Variants in TLN2 observed in about 807,000 individuals in gnomAD.
TLN2 encodes the protein talin 2, also known as talin-2.
TLN2 carries 118 observed loss-of-function variants against 294.7 expected under a neutral mutation model. The observed-to-expected ratio is 0.40, with a 90% CI of 0.34 to 0.47. The LOEUF (loss-of-function observed/expected upper bound fraction) is 0.47, where lower values mean the gene tolerates loss of function less well. TLN2 is among the 20% of genes least tolerant of loss of function. The pLI is 0.84. For synonymous variants in TLN2, 1,431 were observed against 1,304.5 expected (o/e 1.10, Z -2.09); for missense variants, 3,083 against 3,282.2 (o/e 0.94, Z 1.48).
Position 62,714,224 on chromosome 15 carries a change from A to G in TLN2, c.2635-2107A>G, listed in dbSNP as rs372286886. Reference sequence around the variant, plus strand: ...TTTTTTTTTTCTTTTTTTTTTTGAGACAGAGTCTCACTCTGTCACCCAGGC... The same window carrying G: ...TTTTTTTTTTCTTTTTTTTTTTGAGGCAGAGTCTCACTCTGTCACCCAGGC... On this transcript the variant is annotated intron_variant, in intron 22 of 58. Transcript: ENST00000636159. Among the ~76,000 whole-genome samples, 1,055 of 123,678 alleles carry G rather than the reference A, an allele frequency of 8.5e-3. 13 individuals carry two copies. Among genetic ancestry groups the G allele is most frequent in the Middle Eastern group, 0.014 (3 of 220 alleles). 81.1% of individuals were successfully genotyped at this position (123,678 alleles called of 152,430 possible).
intron 1 of TLN2, among the ~76,000 whole-genome samples, chr15:62,504,818 G>GGTGTGTGTGTGTGTGTGT (rs377405417): frequency 1.0e-4 from 15 of 143,624 alleles, no homozygotes; most frequent in South Asian, 7.2e-4. Flanking sequence ...TAGTTGGTGG[G>GGTGTGTGTGTGTGTGTGT]GTGTGTGTGT....
In TLN2 at chr15:62,698,802, G is replaced by T. The variant is rs539690024; in HGVS notation, c.1522G>T (p.Ala508Ser). The T allele has an allele frequency of 1.9e-6, 3 of 1,612,398 alleles. No individual in the cohort carries two copies. The highest frequency in any genetic ancestry group is 1.7e-6 in the Non-Finnish European group (2 of 1,180,010). The change falls in exon 16 of 59, where the codon GCC becomes TCC. Residue 508 changes from alanine (A) to serine (S), a missense_variant. By Grantham distance (99) the Ala-to-Ser change is moderately conservative. Coordinates refer to ENST00000636159, the MANE Select transcript of TLN2 (RefSeq NM_015059.3). The part of the protein sequence containing the change: ...LMGTINTSMH[A>S]VQQAQDDLSE... Reference sequence around the variant, plus strand: ...GGGGACCATCAACACAAGCATGCACGCCGTCCAGCAGGCCCAGGATGATCT... The same window carrying T: ...GGGGACCATCAACACAAGCATGCACTCCGTCCAGCAGGCCCAGGATGATCT...
At chr15:62,474,146 C>T (rs370181115) in intron 1 of TLN2, among the ~76,000 whole-genome samples, 9 of 152,276 alleles carry the variant, frequency 5.9e-5, no homozygotes, top group African/African-American at 2.2e-4. Context: ...TTCAGAGAGA[C>T]TTATAAAAGA....
intron 1 of TLN2, among the ~76,000 whole-genome samples, chr15:62,504,878 T>C (rs1157904536): frequency 6.7e-6 from 1 of 149,684 alleles, no homozygotes; most frequent in Non-Finnish European, 1.5e-5. Context: ...AGAGGGAGAC[T>C]CTGGGCCATT....
intron 1 of TLN2, among the ~76,000 whole-genome samples, chr15:62,540,384 A>G (rs1291627340): frequency 1.3e-5 from 2 of 149,992 alleles, no homozygotes; most frequent in Non-Finnish European, 3.0e-5. Context: ...TACATGAGTA[A>G]GCGTCTTGGC....
chr15:62,612,279 CCTTT>C (rs964349057), intron 2 of TLN2, among the ~76,000 whole-genome samples: 1 of 152,302 alleles, frequency 6.6e-6, no homozygotes, highest in African/African-American at 2.4e-5. Context: ...TTTTTTCCAT[CCTTT>C]CTTCTTTTTT....
At chr15:62,549,494 A>ATCCATCCG (rs1357730002) in intron 1 of TLN2, among the ~76,000 whole-genome samples, 1 of 151,034 alleles carries the variant, frequency 6.6e-6, no homozygotes, top group Admixed American at 6.6e-5. Flanking sequence ...CCATCCATCC[A>ATCCATCCG]TCCATCCATC....
intron 48 of TLN2, among the ~76,000 whole-genome samples, chr15:62,799,427 C>T (rs1262741970): frequency 6.6e-6 from 1 of 152,166 alleles, no homozygotes; most frequent in Admixed American, 6.5e-5. Context: ...CCCATCTAGA[C>T]CTGGTACTTT....
At chr15:62,606,248 A>ATT (rs771750764) in intron 2 of TLN2, among the ~76,000 whole-genome samples, 8 of 136,760 alleles carry the variant, frequency 5.8e-5, no homozygotes, top group Admixed American at 1.5e-4. Context: ...TGCTTGGCTA[A>ATT]TTTTTTTTTT....
chr15:62,715,310 T>A (rs2059696264), intron 22 of TLN2, among the ~76,000 whole-genome samples: 2 of 151,864 alleles, frequency 1.3e-5, no homozygotes, highest in South Asian at 4.1e-4. Context: ...TAAATCGGTG[T>A]GCTGTTCTTC....
intron 46 of TLN2, among the ~76,000 whole-genome samples, chr15:62,793,911 C>T (rs1404583774): frequency 1.3e-5 from 2 of 151,776 alleles, no homozygotes; most frequent in Non-Finnish European, 2.9e-5. Flanking sequence ...TGTCCGTGGC[C>T]CTCCCTGAGG....
chr15:62,797,134 AT>A, intron 47 of TLN2, 84 bp from the exon 48 acceptor site: 1 of 1,460,524 alleles, frequency 6.8e-7, no homozygotes, highest in South Asian at 1.2e-5. Context: ...CAAAAGCCCC[AT>A]GTGAGGGATT....
chr15:62,720,961 C>T (rs886483991), intron 25 of TLN2, among the ~76,000 whole-genome samples: 3 of 152,084 alleles, frequency 2.0e-5, no homozygotes, highest in African/African-American at 4.8e-5. Context: ...TTGGACAAGG[C>T]ATTTCTCTCT....
intron 43 of TLN2, among the ~76,000 whole-genome samples, chr15:62,777,408 T>C (rs972584023): frequency 2.6e-5 from 4 of 152,080 alleles, no homozygotes; most frequent in Admixed American, 6.5e-5. Context: ...TGGTTGCGCA[T>C]GCCCATAATC....
intron 2 of TLN2, among the ~76,000 whole-genome samples, chr15:62,606,248 A>ATTT (rs771750764): frequency 3.4e-4 from 46 of 136,758 alleles, no homozygotes; most frequent in East Asian, 4.3e-4. Flanking sequence ...TGCTTGGCTA[A>ATTT]TTTTTTTTTT....
chr15:62,802,095 C>T (rs1190257693), intron 50 of TLN2, among the ~76,000 whole-genome samples: 2 of 152,060 alleles, frequency 1.3e-5, no homozygotes, highest in African/African-American at 4.8e-5. Context: ...CCCCACTTCC[C>T]CACCCCGACC....
rs145657792 is a variant in TLN2 at position 62,754,195 on chromosome 15, G to C, written c.4476+279G>C. 6.9e-3 allele frequency: 2,088 copies of C among 302,258 alleles called. 40 individuals are homozygous for C. The highest frequency in any genetic ancestry group is 0.042 in the African/African-American group (1,930 of 45,958). 18.7% of individuals were successfully genotyped at this position (302,258 alleles called of 1,614,324 possible). ...GGAGTCTTCATTCATTTCAGGGGAC[G>C]TGAATTGAGGGCTTGTTCTGTGCTT... On this transcript the variant is annotated intron_variant, in intron 36 of 58. Coordinates refer to ENST00000636159, the MANE Select transcript of TLN2 (RefSeq NM_015059.3).
intron 31 of TLN2, 52 bp downstream of exon 31, chr15:62,739,597 G>A (rs774939984): frequency 1.3e-6 from 2 of 1,595,944 alleles, no homozygotes; most frequent in East Asian, 4.5e-5. Context: ...CCTCTCGGAT[G>A]GATAATCCAT....
At chr15:62,557,976 C>T (rs990659643) in intron 1 of TLN2, among the ~76,000 whole-genome samples, 2 of 152,216 alleles carry the variant, frequency 1.3e-5, no homozygotes, top group African/African-American at 4.8e-5. Flanking sequence ...CAGTGGACTG[C>T]AGGGTTGTAC....
Sources: gnomAD v4.1 joint callset for allele counts (sites outside exome capture counted in the v4.1 genomes callset) on GRCh38, gnomAD v4.1.1 for gene constraint, MANE v1.5 for transcripts, NCBI Gene and HGNC (gene_info 2026-07-23, HGNC 2026-07-21) for gene names.